Variants in ANO3 observed in about 807,000 individuals in gnomAD.
ANO3 encodes anoctamin-3.
In ANO3, 99 loss-of-function variants were observed where a neutral mutation model predicts 144.8. That is an observed-to-expected ratio of 0.68 (90% CI 0.58 to 0.81). The LOEUF (loss-of-function observed/expected upper bound fraction) is 0.81, where lower values mean the gene tolerates loss of function less well. Ranked by LOEUF, ANO3 falls within the 30% of genes least tolerant of loss-of-function variation. The probability of loss-of-function intolerance (pLI) is 0.00; values close to 1 mark genes in which losing one functional copy is unlikely to be tolerated. For missense variants in ANO3, 905 were observed against 1,202.2 expected (o/e 0.75, Z 3.66); for synonymous variants, 414 against 392.6 (o/e 1.05, Z -0.64).
chr11:26,221,703 C>T (rs1852146441), intron 1 of ANO3, among the ~76,000 whole-genome samples: 1 of 141,594 alleles, frequency 7.1e-6, no homozygotes, highest in African/African-American at 3.0e-5. Context: ...AGATTTCAAT[C>T]ATGTCAGAAG....
At chr11:26,657,132 G>T (rs1853714185) in intron 26 of ANO3, among the ~76,000 whole-genome samples, 1 of 152,060 alleles carries the variant, frequency 6.6e-6, no homozygotes, top group African/African-American at 2.4e-5. Context: ...TCAATAAAAA[G>T]ACTTTAAATG....
intron 1 of ANO3, among the ~76,000 whole-genome samples, chr11:26,310,732 A>G (rs1178866366): frequency 6.6e-6 from 1 of 152,204 alleles, no homozygotes; most frequent in Admixed American, 6.5e-5. Context: ...TTTTCATGAC[A>G]TAAGAATAAT....
At chr11:26,322,032 T>C (rs2133879818) in intron 1 of ANO3, among the ~76,000 whole-genome samples, 1 of 152,188 alleles carries the variant, frequency 6.6e-6, no homozygotes, top group East Asian at 1.9e-4. Flanking sequence ...CTTCTTATAA[T>C]GTTATTTGTC....
At chr11:26,213,319 T>C (rs925530707) in intron 1 of ANO3, among the ~76,000 whole-genome samples, 2 of 152,050 alleles carry the variant, frequency 1.3e-5, no homozygotes, top group Admixed American at 1.3e-4. Context: ...GGTATTCAAA[T>C]AGGAAGAGAG....
chr11:26,623,524 A>C (rs1433980383), intron 17 of ANO3, among the ~76,000 whole-genome samples: 2 of 152,112 alleles, frequency 1.3e-5, no homozygotes, highest in Non-Finnish European at 2.9e-5. Context: ...AGTATATAGG[A>C]GAGGGGAAAA....
At chr11:26,325,122 T>C (rs890456506) in intron 1 of ANO3, among the ~76,000 whole-genome samples, 1 of 152,174 alleles carries the variant, frequency 6.6e-6, no homozygotes, top group Non-Finnish European at 1.5e-5. Context: ...TTTTTCCAAA[T>C]GTTCCACCAT....
intron 4 of ANO3, among the ~76,000 whole-genome samples, chr11:26,498,765 T>G (rs1330519684): frequency 6.6e-6 from 1 of 151,814 alleles, no homozygotes. Flanking sequence ...ACTAGTATTC[T>G]GCTTTTGATG....
intron 12 of ANO3, among the ~76,000 whole-genome samples, chr11:26,551,610 A>G (rs1428960466): frequency 6.6e-6 from 1 of 152,006 alleles, no homozygotes; most frequent in African/African-American, 2.4e-5. Context: ...TTGGAAATTG[A>G]GAAAGATTAT....
upstream of ANO3, among the ~76,000 whole-genome samples, chr11:26,306,019 C>T (rs1303645224): frequency 6.6e-6 from 1 of 151,986 alleles, no homozygotes; most frequent in Admixed American, 6.5e-5. Context: ...AGTGCAGTGG[C>T]GCGATCTCGG....
intron 1 of ANO3, among the ~76,000 whole-genome samples, chr11:26,373,183 T>A (rs1590303746): frequency 1.3e-5 from 2 of 152,136 alleles, no homozygotes; most frequent in South Asian, 4.1e-4. Context: ...GAGTAGCAGG[T>A]GATATGGTTT....
chr11:26,540,492 A>G (rs1293285902), intron 10 of ANO3, among the ~76,000 whole-genome samples: 2 of 152,196 alleles, frequency 1.3e-5, no homozygotes, highest in African/African-American at 2.4e-5. Flanking sequence ...TCACAGCAAA[A>G]GAAACTATCA....
chr11:26,328,756 G>T (rs925919873), upstream of ANO3, among the ~76,000 whole-genome samples: 8 of 152,068 alleles, frequency 5.3e-5, no homozygotes, highest in South Asian at 2.1e-4. Flanking sequence ...GAGAAAAATT[G>T]AAGTTGTAGC....
At chr11:26,639,385 C>A (rs920173750) in intron 21 of ANO3, 144 bp downstream of exon 21, 2 of 623,556 alleles carry the variant, frequency 3.2e-6, no homozygotes, top group African/African-American at 3.7e-5. Flanking sequence ...TAAATGTCTG[C>A]CCATGTGTAA....
chr11:26,410,629 A>G (rs567749860), intron 1 of ANO3, among the ~76,000 whole-genome samples: 15 of 152,126 alleles, frequency 9.9e-5, no homozygotes, highest in African/African-American at 3.4e-4. Flanking sequence ...ATTGTCTGCA[A>G]ATATTTGAAG....
chr11:26,497,131 T>C (rs1860995282), intron 4 of ANO3, among the ~76,000 whole-genome samples: 1 of 151,700 alleles, frequency 6.6e-6, no homozygotes, highest in Non-Finnish European at 1.5e-5. Context: ...CACGTATATA[T>C]GTATATACAA....
chr11:26,564,333 T>C (rs1850428777), intron 14 of ANO3, among the ~76,000 whole-genome samples: 1 of 151,530 alleles, frequency 6.6e-6, no homozygotes, highest in Non-Finnish European at 1.5e-5. Flanking sequence ...GCAACAACAT[T>C]CAAACAGGAA....
chr11:26,422,069 C>G (rs2133998893), intron 1 of ANO3, among the ~76,000 whole-genome samples: 1 of 152,128 alleles, frequency 6.6e-6, no homozygotes, highest in Non-Finnish European at 1.5e-5. Context: ...ACCTATGTAA[C>G]AAACCTGAAC....
At chr11:26,241,914 T>C (rs947656019) in intron 1 of ANO3, among the ~76,000 whole-genome samples, 9 of 152,156 alleles carry the variant, frequency 5.9e-5, no homozygotes, top group Admixed American at 3.3e-4. Context: ...TGAATATCAT[T>C]CTAAGAGGAC....
intron 1 of ANO3, among the ~76,000 whole-genome samples, chr11:26,207,664 G>T (rs1326174051): frequency 1.3e-5 from 2 of 151,966 alleles, no homozygotes; most frequent in Non-Finnish European, 2.9e-5. Flanking sequence ...CACACAATTT[G>T]TAAATGGTAG....
Sources: allele counts gnomAD v4.1 joint callset (sites outside exome capture counted in the v4.1 genomes callset), GRCh38; gene constraint gnomAD v4.1.1; transcripts MANE v1.5; gene names NCBI Gene and HGNC (gene_info 2026-07-23, HGNC 2026-07-21).